CSMD1: variants seen among roughly 807,000 people sequenced by gnomAD.
CSMD1 encodes CUB and sushi domain-containing protein 1.
A neutral mutation model predicts 417.5 loss-of-function variants in CSMD1; 213 were observed. The ratio of observed to expected loss-of-function variants is 0.51; its 90% CI spans 0.46 to 0.57. The LOEUF (loss-of-function observed/expected upper bound fraction) is 0.57, where lower values mean the gene tolerates loss of function less well. Among genes scored for constraint, CSMD1 ranks in the 20% least tolerant of loss-of-function variants. CSMD1 has a pLI of 0.00. For missense variants in CSMD1, 6,923 were observed against 4,529.7 expected, an observed-to-expected ratio of 1.53 and a Z score of -15.17; for synonymous variants, 2,862 against 1,736.8, an observed-to-expected ratio of 1.65 and a Z score of -16.11.
intron 5 of CSMD1, among the ~76,000 whole-genome samples, chr8:3,900,142 C>G (rs1807631450): frequency 1.3e-5 from 2 of 151,922 alleles, no homozygotes; most frequent in Admixed American, 6.6e-5. Flanking sequence ...AGCTGGGTGA[C>G]AGTGCAGCTA....
chr8:4,659,055 A>G (rs1804420628), intron 1 of CSMD1, among the ~76,000 whole-genome samples: 1 of 152,168 alleles, frequency 6.6e-6, no homozygotes, highest in Admixed American at 6.5e-5. Flanking sequence ...AAATACATAA[A>G]CAAGAAAACC....
At chr8:4,091,092 T>A (rs1343687159) in intron 3 of CSMD1, among the ~76,000 whole-genome samples, 1 of 151,892 alleles carries the variant, frequency 6.6e-6, no homozygotes, top group Admixed American at 6.6e-5. Flanking sequence ...CTAATTTTTG[T>A]AATTTTAGTA....
intron 49 of CSMD1, among the ~76,000 whole-genome samples, chr8:3,066,130 G>A (rs942962129): frequency 6.6e-6 from 1 of 152,138 alleles, no homozygotes; most frequent in Non-Finnish European, 1.5e-5. Context: ...GGCCTATTGA[G>A]GTCTGTCCCT....
At chr8:3,907,579 G>C (rs776129694) in intron 5 of CSMD1, among the ~76,000 whole-genome samples, 25 of 152,154 alleles carry the variant, frequency 1.6e-4, no homozygotes, top group Non-Finnish European at 3.1e-4. Flanking sequence ...ACCAGTGGTT[G>C]TGCCAGGTAC....
At chr8:3,256,656 C>CA (rs1800679016) in intron 26 of CSMD1, among the ~76,000 whole-genome samples, 1 of 152,200 alleles carries the variant, frequency 6.6e-6, no homozygotes, top group South Asian at 2.1e-4. Context: ...CTTGCAAGAA[C>CA]ACCCACACTT....
intron 1 of CSMD1, among the ~76,000 whole-genome samples, chr8:4,946,868 T>C (rs1305687991): frequency 2.0e-5 from 3 of 152,248 alleles, no homozygotes; most frequent in South Asian, 2.1e-4. Context: ...TTTTAAATCA[T>C]AGCCATGATT....
chr8:4,377,444 G>T (rs545904883), intron 3 of CSMD1, among the ~76,000 whole-genome samples: 101 of 152,232 alleles, frequency 6.6e-4, no homozygotes, highest in Admixed American at 1.1e-3. Context: ...AGGTTAAATT[G>T]ATTTTTTCCC....
chr8:4,520,085 T>G (rs1204189509), intron 2 of CSMD1, among the ~76,000 whole-genome samples: 1 of 152,146 alleles, frequency 6.6e-6, no homozygotes, highest in Non-Finnish European at 1.5e-5. Context: ...TTTACAGTAT[T>G]GCATTTAGTC....
chr8:4,106,361 A>C (rs992112782), intron 3 of CSMD1, among the ~76,000 whole-genome samples: 9 of 152,352 alleles, frequency 5.9e-5, no homozygotes, highest in Admixed American at 3.9e-4. Context: ...AAGTCAAAAT[A>C]AAGCATTCAA....
chr8:4,617,929 G>C (rs1563338867), intron 2 of CSMD1, among the ~76,000 whole-genome samples: 1 of 152,078 alleles, frequency 6.6e-6, no homozygotes, highest in African/African-American at 2.4e-5. Flanking sequence ...AATAACACTT[G>C]TTAATTAACT....
intron 3 of CSMD1, among the ~76,000 whole-genome samples, chr8:4,406,493 A>T (rs985453614): frequency 6.6e-6 from 1 of 152,204 alleles, no homozygotes; most frequent in Non-Finnish European, 1.5e-5. Flanking sequence ...TTAGATGGGA[A>T]CAAGGAATTT....
chr8:4,664,291 G>A (rs1414045970), intron 1 of CSMD1, among the ~76,000 whole-genome samples: 8 of 152,166 alleles, frequency 5.3e-5, no homozygotes, highest in Admixed American at 5.2e-4. Context: ...TGGGCACGGT[G>A]GCTCACGCCT....
At chr8:4,754,861 G>A (rs779997735) in intron 1 of CSMD1, among the ~76,000 whole-genome samples, 1 of 151,270 alleles carries the variant, frequency 6.6e-6, no homozygotes, top group Admixed American at 6.6e-5. Flanking sequence ...AAAGTCGGAT[G>A]AGTGTGGTGG....
rs183988072 is a variant in CSMD1, at chr8:4,073,368, C to G, written c.416-41269G>C. 1.8e-4 allele frequency among the ~76,000 whole-genome samples: 27 copies of G among 152,088 alleles called. No homozygotes were observed. In the East Asian group the frequency reaches 3.7e-3, roughly 21 times the overall value. On this transcript the variant is annotated intron_variant, in intron 3 of 69. Transcript: ENST00000635120. ...GTTCTTAGTCACATAAGAGCAAGGT[C>G]GTACTTAATGAAGCTAAAAAAAGTA...
rs1204810256 is a variant in CSMD1, at chr8:4,943,508, T to A, written c.85+50824A>T. 1.8e-3 allele frequency among the ~76,000 whole-genome samples: 44 copies of A among 24,486 alleles called. 1 individual carries two copies. The highest frequency in any genetic ancestry group is 0.01 in the Admixed American group (10 of 954). 16.1% of individuals were successfully genotyped at this position (24,486 alleles called of 152,430 possible). On this transcript the variant is annotated intron_variant, in intron 1 of 69. Coordinates refer to ENST00000635120, the MANE Select transcript of CSMD1 (RefSeq NM_033225.6). ...GAGACACCGTCTCAAAAAAATAAAA[T>A]GAAATAAAATAAAATAAAATAAAAT... is the stretch of plus-strand genomic sequence containing the variant.
At chr8:3,712,110 T>G (rs1186777096) in intron 6 of CSMD1, among the ~76,000 whole-genome samples, 1 of 152,166 alleles carries the variant, frequency 6.6e-6, no homozygotes, top group Non-Finnish European at 1.5e-5. Flanking sequence ...AAGACAGTGT[T>G]ATACTGATGT....
At chr8:3,370,126 T>A (rs541455197) in intron 18 of CSMD1, among the ~76,000 whole-genome samples, 12 of 152,164 alleles carry the variant, frequency 7.9e-5, no homozygotes, top group African/African-American at 2.7e-4. Flanking sequence ...GGAATTCAAT[T>A]CTTAAGATAT....
rs371558073 is a variant in CSMD1, at chr8:4,194,066, T to G, written c.416-161967A>C. Among the ~76,000 whole-genome samples the G allele has an allele frequency of 1.1e-4, 17 of 152,218 alleles. No individual in the cohort carries two copies. In the South Asian group the frequency reaches 3.5e-3, roughly 32 times the overall value. On this transcript the variant is annotated intron_variant, in intron 3 of 69. Transcript: ENST00000635120. ...TATAGTAACTTTCATATACAAAAAATATATTAACAATTTCAATCTACTGTA... is the reference window on the plus strand; with the variant it reads ...TATAGTAACTTTCATATACAAAAAAGATATTAACAATTTCAATCTACTGTA...
chr8:3,098,599 T>A (rs1401899266), intron 46 of CSMD1, among the ~76,000 whole-genome samples: 1 of 152,152 alleles, frequency 6.6e-6, no homozygotes, highest in African/African-American at 2.4e-5. Context: ...AACACACAGA[T>A]TGAAACAACT....
Sources: allele counts gnomAD v4.1 joint callset (sites outside exome capture counted in the v4.1 genomes callset), GRCh38; gene constraint gnomAD v4.1.1; transcripts MANE v1.5; gene names NCBI Gene and HGNC (gene_info 2026-07-23, HGNC 2026-07-21).